Variants in USP13 observed in about 807,000 individuals in gnomAD.
USP13 encodes ubiquitin specific peptidase 13, also known as ubiquitin carboxyl-terminal hydrolase 13.
USP13 carries 68 observed loss-of-function variants against 107.8 expected under a neutral mutation model. The observed-to-expected ratio is 0.63, with a 90% CI of 0.52 to 0.77. USP13 has a LOEUF of 0.77. USP13 is among the 30% of genes least tolerant of loss of function. The pLI, the probability that USP13 is intolerant of heterozygous loss-of-function variation, is 0.00. For synonymous variants in USP13, 377 were observed against 389.5 expected (o/e 0.97, Z 0.38); for missense variants, 945 against 1,093.3 (o/e 0.86, Z 1.91).
At chr3:179,746,183 A>AAAATG (rs1367369084) in intron 13 of USP13, among the ~76,000 whole-genome samples, 3 of 147,522 alleles carry the variant, frequency 2.0e-5, no homozygotes, top group African/African-American at 7.4e-5. Context: ...CAACCTATAT[A>AAAATG]TATATATATA....
At position 179,744,343 on chromosome 3, in the gene USP13, G is replaced by A. The variant is rs578040072; in HGVS notation, c.1535-700G>A. Among the ~76,000 whole-genome samples the A allele has an allele frequency of 3.3e-5, 4 of 121,234 alleles. No individual in the cohort carries two copies. The South Asian group carries it at 1.0e-3, about 31-fold the overall frequency. The allele number at this position is 121,234 out of a possible 152,430, so 79.5% of individuals were successfully genotyped here. ...TTGCCAGGCGCTTAGTGGTGGTTCT[G>A]TTTTTTTTTTTGTTTTGTTTTGTTT... On this transcript the variant is annotated intron_variant, in intron 12 of 20. Coordinates refer to ENST00000263966, the MANE Select transcript of USP13 (RefSeq NM_003940.3).
intron 1 of USP13, among the ~76,000 whole-genome samples, chr3:179,672,507 A>G (rs1035076519): frequency 2.0e-5 from 3 of 151,314 alleles, no homozygotes; most frequent in Non-Finnish European, 4.4e-5. Context: ...GCCTCAGCCT[A>G]CTGAATAGCT....
intron 8 of USP13, among the ~76,000 whole-genome samples, chr3:179,727,905 G>A (rs1221887425): frequency 2.9e-5 from 2 of 67,898 alleles, no homozygotes; most frequent in African/African-American, 3.8e-5. Flanking sequence ...CCCGGACGGG[G>A]CGGCTGGCCA....
chr3:179,706,977 A>T lies in USP13; in HGVS notation c.521A>T (p.Tyr174Phe). The change falls in exon 5 of 21, where the codon TAC (tyrosine) becomes TTC (phenylalanine). Residue 174 changes from tyrosine (Y) to phenylalanine (F), a missense_variant. Transcript: ENST00000263966. ...CDAVLSSKSP[Y>F]RKQDPDTWEN... ...GCAGTTCTCAGCTCAAAATCTCCAT[A>T]CAGAAAGCAGGACCCAGACACGTGG... The T allele has an allele frequency of 6.2e-7, 1 of 1,614,114 alleles. No homozygotes were observed. Among genetic ancestry groups the T allele is most frequent in the South Asian group, 1.1e-5 (1 of 91,062 alleles).
intron 8 of USP13, among the ~76,000 whole-genome samples, chr3:179,723,251 T>G (rs955113597): frequency 1.3e-5 from 2 of 152,242 alleles, no homozygotes; most frequent in Non-Finnish European, 2.9e-5. Context: ...ATACCTCTTC[T>G]TGCTGTTTTC....
intron 1 of USP13, among the ~76,000 whole-genome samples, chr3:179,666,045 A>T (rs766446254): frequency 9.2e-5 from 14 of 152,186 alleles, no homozygotes; most frequent in Non-Finnish European, 2.1e-4. Flanking sequence ...AAAGGTATGG[A>T]GTTGGGACCA....
chr3:179,660,705 GA>G (rs1233919260), intron 1 of USP13, among the ~76,000 whole-genome samples: 1 of 152,040 alleles, frequency 6.6e-6, no homozygotes, highest in South Asian at 2.1e-4. Flanking sequence ...CTTGTAGGGA[GA>G]AAAAAAAGTT....
chr3:179,687,884 C>T (rs1711934632), intron 2 of USP13, among the ~76,000 whole-genome samples: 1 of 152,012 alleles, frequency 6.6e-6, no homozygotes, highest in East Asian at 1.9e-4. Flanking sequence ...ATAAGGTGCT[C>T]ATGATCTGGA....
intron 1 of USP13, among the ~76,000 whole-genome samples, chr3:179,680,053 T>C (rs1313884555): frequency 1.3e-5 from 2 of 151,982 alleles, no homozygotes; most frequent in African/African-American, 4.8e-5. Flanking sequence ...CACGTGCCTA[T>C]AGTCCCAGCT....
At chr3:179,707,122 C>A in intron 5 of USP13, 46 bp downstream of exon 5, 1 of 1,550,762 alleles carries the variant, frequency 6.4e-7, no homozygotes, top group Non-Finnish European at 8.7e-7. Context: ...TAAAACTGTC[C>A]AAAGGAATAT....
At chr3:179,739,707 G>A (rs1372445968) in intron 10 of USP13, among the ~76,000 whole-genome samples, 3 of 152,020 alleles carry the variant, frequency 2.0e-5, no homozygotes, top group African/African-American at 7.3e-5. Flanking sequence ...ACATGCACAC[G>A]CCACCATGCC....
chr3:179,653,297 C>A lies in USP13; in HGVS notation c.72C>A (p.Ile24=). The A allele has an allele frequency of 6.4e-7, 1 of 1,574,192 alleles. No individual in the cohort carries two copies. The highest frequency in any genetic ancestry group is 1.2e-5 in the South Asian group (1 of 85,706). ...SGGRKMAAGD[I]GELLVPHMPT... ...GCAGGAAGATGGCTGCAGGAGACATCGGCGAGCTGCTAGTGCCCCACATGC... is the reference window on the plus strand; with the variant it reads ...GCAGGAAGATGGCTGCAGGAGACATAGGCGAGCTGCTAGTGCCCCACATGC... The change falls in exon 1 of 21, where the codon ATC becomes ATA. Residue 24 remains isoleucine, a synonymous_variant. Transcript: ENST00000263966. This position sits in a 1 kb window ranked among gnomAD's most constrained non-coding sequence, Gnocchi z 4.0.
chr3:179,703,584 A>G (rs1318588371), intron 4 of USP13, among the ~76,000 whole-genome samples: 1 of 152,210 alleles, frequency 6.6e-6, no homozygotes, highest in African/African-American at 2.4e-5. Context: ...ATGTTTAACA[A>G]CAGGCTCCCT....
chr3:179,759,698 G>A (rs935444918), intron 16 of USP13, among the ~76,000 whole-genome samples: 10 of 151,346 alleles, frequency 6.6e-5, no homozygotes, highest in African/African-American at 2.2e-4. Context: ...TTTTTGAGAC[G>A]GAGTCTCACT....
intron 1 of USP13, among the ~76,000 whole-genome samples, chr3:179,676,148 T>C (rs1190246665): frequency 6.6e-6 from 1 of 152,126 alleles, no homozygotes; most frequent in East Asian, 1.9e-4. Flanking sequence ...GTGAAGAAGG[T>C]GCCTTTCTTT....
At chr3:179,711,127 C>G (rs1308688285) in intron 6 of USP13, among the ~76,000 whole-genome samples, 1 of 152,182 alleles carries the variant, frequency 6.6e-6, no homozygotes, top group Non-Finnish European at 1.5e-5. Flanking sequence ...AATGTTTTTA[C>G]TTTATGAACT....
At chr3:179,738,826 ATTTTGTTTTG>A (rs571552597) in intron 10 of USP13, among the ~76,000 whole-genome samples, 1 of 152,120 alleles carries the variant, frequency 6.6e-6, no homozygotes, top group Non-Finnish European at 1.5e-5. Flanking sequence ...TCAGCATCTA[ATTTTGTTTTG>A]TTTTGTTTTG....
chr3:179,754,975 G>A, intron 15 of USP13, 121 bp downstream of exon 15: 1 of 1,352,136 alleles, frequency 7.4e-7, no homozygotes, highest in Non-Finnish European at 9.9e-7. Context: ...TAGCTGCCTT[G>A]CTGTGATGTA....
At chr3:179,744,469 C>T (rs1205920261) in intron 12 of USP13, among the ~76,000 whole-genome samples, 1 of 151,468 alleles carries the variant, frequency 6.6e-6, no homozygotes, top group East Asian at 1.9e-4. Flanking sequence ...AAAAATTGAT[C>T]CCCTTACACA....
Sources: gnomAD v4.1 joint callset for allele counts (sites outside exome capture counted in the v4.1 genomes callset) on GRCh38, gnomAD v4.1.1 for gene constraint, Gnocchi (gnomAD v3.1) non-coding constraint, MANE v1.5 for transcripts, NCBI Gene and HGNC (gene_info 2026-07-23, HGNC 2026-07-21) for gene names.